The following NRIP1 variants were observed in gnomAD, a reference collection of about 807,000 sequenced individuals.
NRIP1 encodes the protein nuclear receptor interacting protein 1.
Under a neutral mutation model 75.0 loss-of-function variants are expected in NRIP1, and 28 were observed. That is an observed-to-expected ratio of 0.37 (90% CI 0.28 to 0.51). NRIP1 has a LOEUF of 0.51. NRIP1 is among the 20% of genes least tolerant of loss of function. The pLI, the probability that NRIP1 is intolerant of heterozygous loss-of-function variation, is 0.92. For missense variants in NRIP1, 1,435 were observed against 1,343.7 expected (o/e 1.07, Z -1.06); for synonymous variants, 526 against 487.6 (o/e 1.08, Z -1.04).
chr21:15,017,156 T>A (rs559331103), intron 2 of NRIP1, among the ~76,000 whole-genome samples: 68 of 152,230 alleles, frequency 4.5e-4, no homozygotes, highest in African/African-American at 1.6e-3. Flanking sequence ...GCATATTCTA[T>A]AAAGAAAACC....
At chr21:15,014,548 A>G (rs999556101) in intron 2 of NRIP1, 82 bp from the exon 3 acceptor site, 2 of 398,092 alleles carry the variant, frequency 5.0e-6, no homozygotes, top group Admixed American at 4.4e-5. Context: ...AACTTATCCC[A>G]TTACCTTTTC....
At chr21:15,027,917 A>T (rs1367247779) in intron 2 of NRIP1, among the ~76,000 whole-genome samples, 1 of 152,194 alleles carries the variant, frequency 6.6e-6, no homozygotes, top group Non-Finnish European at 1.5e-5. Flanking sequence ...ATAACTCTTT[A>T]TATTTATTAT....
chr21:14,995,010 G>A (rs2087682657), intron 3 of NRIP1, among the ~76,000 whole-genome samples: 1 of 152,146 alleles, frequency 6.6e-6, no homozygotes, highest in African/African-American at 2.4e-5. Flanking sequence ...TCACTCAGTA[G>A]TATAAGTAAC....
intron 3 of NRIP1, among the ~76,000 whole-genome samples, chr21:14,987,057 T>C (rs2087425236): frequency 6.6e-6 from 1 of 152,226 alleles, no homozygotes; most frequent in African/African-American, 2.4e-5. Context: ...TCTCTGGATA[T>C]CTAGCTTATT....
At chr21:14,977,796 T>A (rs569417593) in intron 3 of NRIP1, among the ~76,000 whole-genome samples, 29 of 152,306 alleles carry the variant, frequency 1.9e-4, no homozygotes, top group African/African-American at 6.5e-4. Context: ...ATTATCTTTA[T>A]GAAAAGGTAG....
intron 1 of NRIP1, among the ~76,000 whole-genome samples, chr21:15,060,507 G>C (rs1196730516): frequency 3.9e-5 from 6 of 152,250 alleles, no homozygotes; most frequent in African/African-American, 1.4e-4. Flanking sequence ...CCAAACTTTA[G>C]CACTCAGAAC....
chr21:14,982,486 A>G (rs1455241000), intron 3 of NRIP1, among the ~76,000 whole-genome samples: 1 of 152,150 alleles, frequency 6.6e-6, no homozygotes, highest in Non-Finnish European at 1.5e-5. Context: ...CAAGCTAAAC[A>G]ACTAGGACAT....
intron 2 of NRIP1, among the ~76,000 whole-genome samples, chr21:15,024,421 A>G (rs1446068221): frequency 6.6e-6 from 1 of 152,140 alleles, no homozygotes; most frequent in African/African-American, 2.4e-5. Flanking sequence ...AGTCACCTGT[A>G]ATCCCAGCTA....
intron 2 of NRIP1, among the ~76,000 whole-genome samples, chr21:15,029,671 G>A (rs1322841968): frequency 6.6e-6 from 1 of 151,984 alleles, no homozygotes; most frequent in Non-Finnish European, 1.5e-5. Flanking sequence ...AATATGACTG[G>A]GTAGGGTGCA....
chr21:15,022,279 G>T (rs142191755), intron 2 of NRIP1, among the ~76,000 whole-genome samples: 1 of 152,138 alleles, frequency 6.6e-6, no homozygotes, highest in Non-Finnish European at 1.5e-5. Context: ...GCAAACTAAC[G>T]CGGAACAGAA....
chr21:15,016,015 A>G lies in NRIP1; in HGVS notation c.-457-1549T>C, dbSNP rs537381758. ...ACGGCCACCAGCAGCACCCTACTAA[A>G]TAGCTGTGGGAAAGAGACAGGTCTG... On this transcript the variant is annotated intron_variant, in intron 2 of 3. Transcript: ENST00000318948. Among the ~76,000 whole-genome samples the G allele has an allele frequency of 2.0e-5, 3 of 152,332 alleles. No individual in the cohort carries two copies. The South Asian group carries it at 6.2e-4, about 32-fold the overall frequency.
chr21:15,011,834 TA>T (rs1406079460), intron 3 of NRIP1, among the ~76,000 whole-genome samples: 1 of 152,086 alleles, frequency 6.6e-6, no homozygotes, highest in African/African-American at 2.4e-5. Flanking sequence ...CTATAAAATA[TA>T]AAAAAGGGTG....
At chr21:14,978,723 G>A (rs977293938) in intron 3 of NRIP1, among the ~76,000 whole-genome samples, 2 of 152,134 alleles carry the variant, frequency 1.3e-5, no homozygotes, top group African/African-American at 2.4e-5. Flanking sequence ...CTAGGTATAT[G>A]AATCGGATTC....
chr21:15,019,419 T>TAAAAAAAAGTTC, intron 2 of NRIP1, among the ~76,000 whole-genome samples: 1 of 101,328 alleles, frequency 9.9e-6, no homozygotes, highest in Admixed American at 1.0e-4. Flanking sequence ...AAATAATTAA[T>TAAAAAAAAGTTC]AAAAAAAAGT....
rs1427588428 is a variant in NRIP1, at chr21:15,013,011, GAA to G, written c.-335+1331_-335+1332del. 2.0e-5 allele frequency among the ~76,000 whole-genome samples: 3 copies of G among 152,074 alleles called. No individual in the cohort carries two copies. The East Asian group carries it at 5.8e-4, about 29-fold the overall frequency. On this transcript the variant is annotated intron_variant, in intron 3 of 3. Coordinates refer to ENST00000318948, the MANE Select transcript of NRIP1 (RefSeq NM_003489.4). Reference sequence around the variant, plus strand: ...TATAATGTTAATTTTAATAGAATTAGAAGTTCAGAAATGGGGTTCAATATCAA... The same window carrying G: ...TATAATGTTAATTTTAATAGAATTAGGTTCAGAAATGGGGTTCAATATCAA...
chr21:15,023,249 C>G (rs2147218528), intron 2 of NRIP1, among the ~76,000 whole-genome samples: 1 of 152,248 alleles, frequency 6.6e-6, no homozygotes, highest in Non-Finnish European at 1.5e-5. Flanking sequence ...ATAAAAATGA[C>G]TATTCACCTA....
intron 1 of NRIP1, among the ~76,000 whole-genome samples, chr21:15,055,581 C>A (rs969077389): frequency 3.9e-5 from 6 of 152,168 alleles, no homozygotes; most frequent in East Asian, 1.9e-4. Flanking sequence ...AGACCCAGTT[C>A]TTATTATTAT....
intron 3 of NRIP1, among the ~76,000 whole-genome samples, chr21:15,003,124 T>C (rs1467792809): frequency 6.6e-6 from 1 of 152,224 alleles, no homozygotes; most frequent in Non-Finnish European, 1.5e-5. Flanking sequence ...TGCCAGTCAT[T>C]GAGTAGGCGA....
intron 1 of NRIP1, among the ~76,000 whole-genome samples, chr21:15,061,493 G>A (rs144251967): frequency 6.6e-6 from 1 of 152,158 alleles, no homozygotes; most frequent in Non-Finnish European, 1.5e-5. Context: ...GGGAGGGAGG[G>A]AAATGGTAGG....
Sources: gnomAD v4.1 joint callset for allele counts (sites outside exome capture counted in the v4.1 genomes callset) on GRCh38, gnomAD v4.1.1 for gene constraint, MANE v1.5 for transcripts, NCBI Gene and HGNC (gene_info 2026-07-23, HGNC 2026-07-21) for gene names.